The following ZNF431 variants were observed in gnomAD, a reference collection of about 807,000 sequenced individuals.
The protein encoded by ZNF431 is zinc finger protein 431.
A neutral mutation model predicts 57.0 loss-of-function variants in ZNF431; 34 were observed. The ratio of observed to expected loss-of-function variants is 0.60; its 90% CI spans 0.45 to 0.79. The LOEUF (loss-of-function observed/expected upper bound fraction) is 0.79, where lower values mean the gene tolerates loss of function less well. Ranked by LOEUF, ZNF431 falls within the 30% of genes least tolerant of loss-of-function variation. ZNF431 has a pLI of 0.00. For missense variants in ZNF431, 607 were observed against 667.1 expected (o/e 0.91, Z 0.99); for synonymous variants, 207 against 220.3 (o/e 0.94, Z 0.54).
At position 21,183,346 on chromosome 19, in the gene ZNF431, A is replaced by T; in HGVS notation, c.1043A>T (p.Glu348Val). The change falls in exon 5 of 5, where the codon GAA becomes GTA. Residue 348 changes from glutamate (E) to valine (V), a missense_variant. Glu to Val is a moderately radical substitution (Grantham distance 121). Coordinates refer to ENST00000311048, the MANE Select transcript of ZNF431 (RefSeq NM_133473.4). ...HAGEKPYKCE[E>V]CDKAFNRFSY... Reference sequence around the variant, plus strand: ...GGAGAGAAACCCTACAAATGTGAGGAATGTGACAAAGCTTTTAATCGATTC... The same window carrying T: ...GGAGAGAAACCCTACAAATGTGAGGTATGTGACAAAGCTTTTAATCGATTC... 1 of 1,613,882 alleles carries T rather than the reference A, an allele frequency of 6.2e-7. No individual in the cohort carries two copies. Among genetic ancestry groups the T allele is most frequent in the Non-Finnish European group, 8.5e-7 (1 of 1,179,888 alleles).
chr19:21,156,889 T>G (rs1044767204), intron 2 of ZNF431, among the ~76,000 whole-genome samples: 3 of 152,092 alleles, frequency 2.0e-5, no homozygotes, highest in Non-Finnish European at 4.4e-5. Flanking sequence ...ACCCTCTTAC[T>G]TCAGCCCCCA....
intron 2 of ZNF431, 93 bp from the exon 3 acceptor site, chr19:21,166,242 C>G: frequency 2.0e-6 from 3 of 1,520,664 alleles, no homozygotes; most frequent in Non-Finnish European, 2.6e-6. Flanking sequence ...AATCAGTTCT[C>G]TTTACTCTCT....
intron 4 of ZNF431, among the ~76,000 whole-genome samples, chr19:21,176,928 C>T (rs569067496): frequency 5.9e-5 from 9 of 152,166 alleles, no homozygotes; most frequent in African/African-American, 2.2e-4. Context: ...AACTCCTGAC[C>T]CCATCCTCAT....
chr19:21,145,082 A>G (rs1970044757), intron 2 of ZNF431, among the ~76,000 whole-genome samples: 1 of 7,530 alleles, frequency 1.3e-4, no homozygotes, highest in Non-Finnish European at 4.3e-4. Context: ...GATTTTTCAA[A>G]CACATAGTTT....
intron 4 of ZNF431, chr19:21,169,791 GTT>G (rs1555709434): frequency 2.5e-6 from 1 of 398,470 alleles, no homozygotes. Flanking sequence ...CACTGTGTGG[GTT>G]TCTGTTTAGG....
chr19:21,175,551 A>G (rs1234398207), intron 4 of ZNF431: 1 of 602,354 alleles, frequency 1.7e-6, no homozygotes, highest in African/African-American at 1.9e-5. Flanking sequence ...TAAGCCCTGC[A>G]TGCATTAGCT....
At chr19:21,164,079 C>CAAAA (rs34934773) in intron 2 of ZNF431, among the ~76,000 whole-genome samples, 6 of 138,352 alleles carry the variant, frequency 4.3e-5, no homozygotes, top group Non-Finnish European at 7.7e-5. Context: ...AACTCCATCT[C>CAAAA]AAAAAAAAAA....
At position 21,178,816 on chromosome 19, in the gene ZNF431, TG is replaced by T. The variant is rs201233748; in HGVS notation, c.320-3806del. 2.3e-3 allele frequency among the ~76,000 whole-genome samples: 352 copies of T among 151,230 alleles called. 3 individuals carry two copies. Among genetic ancestry groups the T allele is most frequent in the African/African-American group, 8.1e-3 (334 of 41,258 alleles). ...GTTTGTGTGTGTGTGTGTGTGTGTG[TG>T]TGTTGTTGTTGTTGTTTTATTTTGT... On this transcript the variant is annotated intron_variant, in intron 4 of 4. Coordinates refer to ENST00000311048, the MANE Select transcript of ZNF431 (RefSeq NM_133473.4).
rs1441687488 is a variant in ZNF431 at position 21,174,477 on chromosome 19, T to C, written c.319+6811T>C. Among the ~76,000 whole-genome samples the C allele has an allele frequency of 2.6e-5, 4 of 152,174 alleles. 1 individual carries two copies. Among genetic ancestry groups the C allele is most frequent in the African/African-American group, 9.7e-5 (4 of 41,442 alleles). ...ACAGATTCCTGGTAAATTGACTCAT[T>C]TGACCGTTATATAATATCGTGTTTG... On this transcript the variant is annotated intron_variant, in intron 4 of 4. Coordinates refer to ENST00000311048, the MANE Select transcript of ZNF431 (RefSeq NM_133473.4).
intron 1 of ZNF431, among the ~76,000 whole-genome samples, 180 bp from the exon 2 acceptor site, chr19:21,143,371 T>C (rs1969993847): frequency 6.6e-6 from 1 of 152,160 alleles, no homozygotes; most frequent in South Asian, 2.1e-4. Context: ...CTTGTCAGAA[T>C]GTTTTTCGGT....
chr19:21,156,345 C>T (rs571448050), intron 2 of ZNF431, among the ~76,000 whole-genome samples: 1 of 151,920 alleles, frequency 6.6e-6, no homozygotes, highest in African/African-American at 2.4e-5. Context: ...CTACATTGCA[C>T]TCTTCCCCAC....
At position 21,174,022 on chromosome 19, in the gene ZNF431, T is replaced by C. The variant is rs182517478; in HGVS notation, c.319+6356T>C. Among the ~76,000 whole-genome samples the C allele has an allele frequency of 5.3e-5, 8 of 151,738 alleles. No homozygotes were observed. The East Asian group carries it at 1.4e-3, about 26-fold the overall frequency. On this transcript the variant is annotated intron_variant, in intron 4 of 4. Transcript: ENST00000311048. ...GTGCAATGGTGCAATCTCGACGCAC[T>C]GCAACCTCTGCCTCCTGGGTTCAAG...
chr19:21,148,784 A>G (rs531299959), intron 2 of ZNF431, among the ~76,000 whole-genome samples: 26 of 152,334 alleles, frequency 1.7e-4, no homozygotes, highest in African/African-American at 6.0e-4. Context: ...TTTTAATTAC[A>G]TACTAGGAGT....
intron 2 of ZNF431, among the ~76,000 whole-genome samples, chr19:21,147,869 A>C (rs1176992105): frequency 1.3e-5 from 2 of 152,202 alleles, no homozygotes; most frequent in African/African-American, 2.4e-5. Flanking sequence ...ATATAGTCCA[A>C]AAATAGTCAA....
chr19:21,175,516 A>G, intron 4 of ZNF431: 1 of 675,588 alleles, frequency 1.5e-6, no homozygotes, highest in Non-Finnish European at 2.7e-6. Context: ...GGTTTGCTGC[A>G]CCTATTAACC....
At chr19:21,166,512 T>G in intron 3 of ZNF431, 51 bp downstream of exon 3, 1 of 1,523,170 alleles carries the variant, frequency 6.6e-7, no homozygotes, top group Non-Finnish European at 8.8e-7. Flanking sequence ...ATGTTTCATG[T>G]CTCTTTTTTT....
rs1359699520 is a variant in ZNF431, at chr19:21,191,893, A to G, written c.*7859A>G. On this transcript the variant is annotated 3_prime_UTR_variant, in exon 5 of 5. Coordinates refer to ENST00000311048, the MANE Select transcript of ZNF431 (RefSeq NM_133473.4). ...TTAGATATACTTTTAAAACTTTTCT[A>G]TGAAGTATATCACGTATTTCGATAG... The G allele has an allele frequency of 1.3e-5, 2 of 152,212 alleles. No individual in the cohort carries two copies. The highest frequency in any genetic ancestry group is 2.9e-5 in the Non-Finnish European group (2 of 68,038). 9.4% of individuals were successfully genotyped at this position (152,212 alleles called of 1,614,324 possible). A position where few individuals can be genotyped will look rare whatever the true frequency, so the allele number is the denominator to read the frequency against.
At chr19:21,154,170 C>CCCGT (rs1282810227) in intron 2 of ZNF431, among the ~76,000 whole-genome samples, 1 of 152,074 alleles carries the variant, frequency 6.6e-6, no homozygotes, top group East Asian at 1.9e-4. Flanking sequence ...CTATCCCTCC[C>CCCGT]CCCTCCACCC....
chr19:21,157,332 T>C (rs1200244205), intron 2 of ZNF431, among the ~76,000 whole-genome samples: 1 of 151,774 alleles, frequency 6.6e-6, no homozygotes, highest in East Asian at 2.0e-4. Flanking sequence ...GAGACAGAGT[T>C]TTGCCATGGG....
Sources: gnomAD v4.1 joint callset for allele counts (sites outside exome capture counted in the v4.1 genomes callset) on GRCh38, gnomAD v4.1.1 for gene constraint, MANE v1.5 for transcripts, NCBI Gene and HGNC (gene_info 2026-07-23, HGNC 2026-07-21) for gene names.